Variants in PDE8B observed in about 807,000 individuals in gnomAD.
PDE8B encodes the protein high affinity cAMP-specific and IBMX-insensitive 3',5'-cyclic phosphodiesterase 8B.
PDE8B carries 26 observed loss-of-function variants against 101.3 expected under a neutral mutation model. The ratio of observed to expected loss-of-function variants is 0.26; its 90% confidence interval spans 0.19 to 0.36. The LOEUF (loss-of-function observed/expected upper bound fraction) is 0.36, where lower values mean the gene tolerates loss of function less well. PDE8B is among the 10% of genes least tolerant of loss of function. The probability of loss-of-function intolerance (pLI) is 1.00; values close to 1 mark genes in which losing one functional copy is unlikely to be tolerated. For synonymous variants in PDE8B, 424 were observed against 429.3 expected (o/e 0.99, Z 0.15); for missense variants, 810 against 1,163.1 (o/e 0.70, Z 4.42).
chr5:77,307,440 A>T (rs1325341869), intron 1 of PDE8B, among the ~76,000 whole-genome samples: 1 of 152,202 alleles, frequency 6.6e-6, no homozygotes, highest in African/African-American at 2.4e-5. Flanking sequence ...TGAGTGATAG[A>T]CGTTTACAGA....
At chr5:77,379,844 A>G (rs1021880627) in intron 10 of PDE8B, among the ~76,000 whole-genome samples, 2 of 152,092 alleles carry the variant, frequency 1.3e-5, no homozygotes, top group African/African-American at 4.8e-5. Context: ...GTACTATACC[A>G]CTCACACTGT....
the PDE8B span, chr5:77,141,496 A>C: frequency 6.6e-6 from 1 of 152,190 alleles, no homozygotes; most frequent in South Asian, 2.1e-4. Context: ...AGTCAGATTT[A>C]AACTCTATGG....
chr5:77,311,005 ATGGCCCTTGGGT>A (rs1772469138), intron 1 of PDE8B, among the ~76,000 whole-genome samples: 2 of 152,168 alleles, frequency 1.3e-5, no homozygotes, highest in Admixed American at 1.3e-4. Context: ...AAAGGCTCCC[ATGGCCCTTGGGT>A]CACTGCAAGT....
rs1186682595 is a variant in PDE8B, at chr5:77,341,858, G to C, written c.798-2995G>C. 2.0e-5 allele frequency among the ~76,000 whole-genome samples: 3 copies of C among 152,214 alleles called. No homozygotes were observed. The East Asian group carries it at 5.8e-4, about 29-fold the overall frequency. The stretch of plus-strand genomic sequence containing the variant: ...AGTGGTGGTACTAAGACAGTATACA[G>C]TTCAAATTAGGTAGACTGGAGCAAT... On this transcript the variant is annotated intron_variant, in intron 6 of 21. Coordinates refer to ENST00000264917, the MANE Select transcript of PDE8B (RefSeq NM_003719.5).
the PDE8B span, among the ~76,000 whole-genome samples, chr5:77,188,003 G>A: frequency 1.3e-5 from 2 of 152,182 alleles, no homozygotes; most frequent in Admixed American, 1.3e-4. Context: ...GGCCATGGCT[G>A]ATTAAAGAGT....
At chr5:77,231,711 G>T (rs1290817620) in intron 1 of PDE8B, among the ~76,000 whole-genome samples, 1 of 152,204 alleles carries the variant, frequency 6.6e-6, no homozygotes, top group African/African-American at 2.4e-5. Context: ...ACAGAGGTGT[G>T]AGCATAGATA....
the PDE8B span, among the ~76,000 whole-genome samples, chr5:77,183,355 T>C: frequency 6.6e-6 from 1 of 152,064 alleles, no homozygotes; most frequent in Non-Finnish European, 1.5e-5. Context: ...CCTGACCTCA[T>C]GATCCACCCG....
chr5:77,400,166 A>T, intron 10 of PDE8B, 82 bp from the exon 11 acceptor site: 1 of 966,750 alleles, frequency 1.0e-6, no homozygotes, highest in Non-Finnish European at 1.7e-6. Flanking sequence ...GAGCTTTTTA[A>T]CTAAATTGTT....
intron 20 of PDE8B, among the ~76,000 whole-genome samples, chr5:77,423,896 CA>C (rs1471287900): frequency 1.3e-5 from 2 of 151,758 alleles, no homozygotes; most frequent in East Asian, 1.9e-4. Context: ...CTTGGCCTCC[CA>C]AAGTGCTAGG....
intron 1 of PDE8B, among the ~76,000 whole-genome samples, chr5:77,303,569 AAAATAAAT>A (rs57327578): frequency 1.6e-4 from 24 of 148,698 alleles, no homozygotes; most frequent in Middle Eastern, 3.5e-3. Flanking sequence ...ACTCCATCTC[AAAATAAAT>A]AAATAAATAA....
chr5:77,249,804 G>T (rs984835524), intron 1 of PDE8B, among the ~76,000 whole-genome samples: 1 of 152,126 alleles, frequency 6.6e-6, no homozygotes, highest in African/African-American at 2.4e-5. Context: ...AAAATTAGAG[G>T]ATTTAAATTT....
At chr5:77,152,720 C>T in the PDE8B span, among the ~76,000 whole-genome samples, 1 of 152,202 alleles carries the variant, frequency 6.6e-6, no homozygotes. Flanking sequence ...CAGACGCTCA[C>T]TGATCCCCTT....
At chr5:77,216,330 T>G (rs1475312393) in intron 1 of PDE8B, among the ~76,000 whole-genome samples, 1 of 152,160 alleles carries the variant, frequency 6.6e-6, no homozygotes, top group Non-Finnish European at 1.5e-5. Flanking sequence ...AAAAGAGATT[T>G]AATGGACTCA....
At chr5:77,240,105 G>A (rs991449242) in intron 1 of PDE8B, among the ~76,000 whole-genome samples, 6 of 150,206 alleles carry the variant, frequency 4.0e-5, no homozygotes, top group Non-Finnish European at 8.9e-5. Context: ...TTTGTATTTC[G>A]TTTTAGTCAT....
At chr5:77,336,690 T>C (rs1407149220) in intron 5 of PDE8B, among the ~76,000 whole-genome samples, 1 of 152,222 alleles carries the variant, frequency 6.6e-6, no homozygotes, top group Non-Finnish European at 1.5e-5. Flanking sequence ...TGAACACACA[T>C]GTATGAGTAT....
intron 10 of PDE8B, among the ~76,000 whole-genome samples, chr5:77,387,863 A>G (rs1252530722): frequency 1.3e-5 from 2 of 151,802 alleles, no homozygotes; most frequent in Admixed American, 1.3e-4. Flanking sequence ...TGCTTGATCA[A>G]TTCGGCTATT....
At chr5:77,258,776 C>T (rs574374644) in intron 1 of PDE8B, among the ~76,000 whole-genome samples, 31 of 152,106 alleles carry the variant, frequency 2.0e-4, no homozygotes, top group African/African-American at 6.0e-4. Flanking sequence ...AGTGCTCCTA[C>T]GCTTCCTTCA....
At chr5:77,423,188 A>G (rs1248701555) in intron 20 of PDE8B, among the ~76,000 whole-genome samples, 1 of 152,180 alleles carries the variant, frequency 6.6e-6, no homozygotes, top group East Asian at 1.9e-4. Context: ...AAATGACATG[A>G]TTTCATTCTT....
chr5:77,316,861 T>C (rs1053985611), intron 2 of PDE8B, among the ~76,000 whole-genome samples: 3 of 152,198 alleles, frequency 2.0e-5, no homozygotes, highest in African/African-American at 7.2e-5. Context: ...ATTTCCCTCA[T>C]GTGAGTTTGG....
Sources: allele counts gnomAD v4.1 joint callset (sites outside exome capture counted in the v4.1 genomes callset), GRCh38; gene constraint gnomAD v4.1.1; transcripts MANE v1.5; gene names NCBI Gene and HGNC (gene_info 2026-07-23, HGNC 2026-07-21).